Variants in HSP90AB1 observed in about 807,000 individuals in gnomAD.
HSP90AB1 encodes the protein heat shock protein HSP 90-beta.
In HSP90AB1, 17 loss-of-function variants were observed where a neutral mutation model predicts 67.8. The observed-to-expected ratio is 0.25, with a 90% confidence interval of 0.17 to 0.38. HSP90AB1 has a LOEUF of 0.38. HSP90AB1 is among the 10% of genes least tolerant of loss of function. HSP90AB1 has a pLI of 1.00. For synonymous variants in HSP90AB1, 390 were observed against 312.9 expected (o/e 1.25, Z -2.60); for missense variants, 690 against 899.9 (o/e 0.77, Z 2.98).
intron 10 of HSP90AB1, among the ~76,000 whole-genome samples, chr6:44,252,719 A>G (rs1321557090): frequency 2.0e-5 from 3 of 151,308 alleles, no homozygotes; most frequent in Non-Finnish European, 4.4e-5. Flanking sequence ...GATGGTCTCC[A>G]TCTCCTGACC....
chr6:44,249,280 A>T, intron 2 of HSP90AB1, 97 bp from the exon 3 acceptor site: 1 of 969,776 alleles, frequency 1.0e-6, no homozygotes, highest in Non-Finnish European at 1.6e-6. Context: ...TCAAGGCTGC[A>T]GTGAGCTGTC....
chr6:44,248,511 T>C (rs1363593731), intron 1 of HSP90AB1, 119 bp from the exon 2 acceptor site: 4 of 824,678 alleles, frequency 4.9e-6, no homozygotes, highest in Non-Finnish European at 7.5e-6. Flanking sequence ...GAAGGGATAG[T>C]ACTCCGGTTA....
intron 11 of HSP90AB1, 21 bp from the exon 12 acceptor site, chr6:44,253,468 C>T: frequency 6.2e-7 from 1 of 1,610,004 alleles, no homozygotes; most frequent in Non-Finnish European, 8.5e-7. Context: ...TCAAGTCTCA[C>T]ATGGCTTAAT....
Position 44,251,606 on chromosome 6 carries a change from A to G in HSP90AB1, c.1312A>G (p.Lys438Glu). The stretch of plus-strand genomic sequence containing the variant: ...CTATGAGGCATTCTCTAAAAATCTC[A>G]AGGTAAAAAGGCAAATAATGCTTAT... ...KFYEAFSKNLKLGIHEDSTNR... is the reference protein window; with the variant it reads ...KFYEAFSKNLELGIHEDSTNR... Residue 438 changes from lysine to glutamate, a missense_variant and splice_region_variant, in exon 8 of 12, where the codon AAG becomes GAG. Coordinates refer to ENST00000371646, the MANE Select transcript of HSP90AB1 (RefSeq NM_007355.4). 1 of 1,600,608 alleles carries G rather than the reference A, an allele frequency of 6.2e-7. No homozygotes were observed. Among genetic ancestry groups the G allele is most frequent in the Non-Finnish European group, 8.5e-7 (1 of 1,171,736 alleles).
At chr6:44,250,962 G>T in intron 6 of HSP90AB1, 86 bp from the exon 7 acceptor site, 1 of 1,196,930 alleles carries the variant, frequency 8.4e-7, no homozygotes, top group Admixed American at 1.7e-5. Flanking sequence ...GCTTAGGGAG[G>T]ATCATTGTTC....
chr6:44,251,062 A>G lies in HSP90AB1; in HGVS notation c.972A>G (p.Glu324=). ...GTTTCTTTCAGCACTTTTCTGTAGA[A>G]GGTCAGTTGGAATTCAGGGCATTGC... ...DHLAVKHFSV[E]GQLEFRALLF... is the part of the protein sequence containing the mutation. The change falls in exon 7 of 12, where the codon GAA becomes GAG. Residue 324 remains glutamate (E), a synonymous_variant. Transcript: ENST00000371646. The G allele has an allele frequency of 6.2e-7, 1 of 1,614,050 alleles. No homozygotes were observed. Among genetic ancestry groups the G allele is most frequent in the Non-Finnish European group, 8.5e-7 (1 of 1,179,912 alleles).
chr6:44,248,664 T>G lies in HSP90AB1; in HGVS notation c.35T>G (p.Val12Gly), dbSNP rs774126124. The G allele has an allele frequency of 1.2e-6, 2 of 1,613,676 alleles. No homozygotes were observed. The highest frequency in any genetic ancestry group is 1.7e-6 in the Non-Finnish European group (2 of 1,179,770). Residue 12 changes from valine (V) to glycine (G), a missense_variant, in exon 2 of 12, where the codon GTG becomes GGG. Coordinates refer to ENST00000371646, the MANE Select transcript of HSP90AB1 (RefSeq NM_007355.4). ...PEEVHHGEEE[V>G]ETFAFQAEIA... ...GAAGTGCACCATGGAGAGGAGGAGG[T>G]GGAGACTTTTGCCTTTCAGGCAGAA...
chr6:44,247,621 T>C (rs930390960), intron 1 of HSP90AB1, among the ~76,000 whole-genome samples: 2 of 152,236 alleles, frequency 1.3e-5, no homozygotes, highest in Non-Finnish European at 2.9e-5. Flanking sequence ...GTCACCTCTC[T>C]TATCGGACGC....
At position 44,253,403 on chromosome 6, in the gene HSP90AB1, G is replaced by T. The variant is rs1780975656; in HGVS notation, c.2065+25G>T. 3.8e-6 allele frequency: 6 copies of T among 1,599,326 alleles called. 1 individual carries two copies. In the South Asian group the frequency reaches 6.6e-5, roughly 18 times the overall value. On this transcript the variant is annotated intron_variant, in intron 11 of 11. Coordinates refer to ENST00000371646, the MANE Select transcript of HSP90AB1 (RefSeq NM_007355.4). ...GGTAAGTAGCTTTGGTACTTGGTGT[G>T]GCAAGGAGTTTGTGCAACTCGTCTC... is the stretch of plus-strand genomic sequence containing the variant.
intron 9 of HSP90AB1, 44 bp from the exon 10 acceptor site, chr6:44,251,955 G>A (rs1309864358): frequency 2.5e-6 from 4 of 1,613,468 alleles, no homozygotes; most frequent in African/African-American, 1.3e-5. Context: ...GGAACTGGCA[G>A]TATGAGGCAT....
rs149113108 is a variant in HSP90AB1 at position 44,249,159 on chromosome 6, C to T, written c.148-218C>T. ...ATTTCGAGGGCAGCCTGGGCAACCG[C>T]GAGACCTTGTCTCTGCAAAAAATTA... On this transcript the variant is annotated intron_variant, in intron 2 of 11. Transcript: ENST00000371646. Among the ~76,000 whole-genome samples the T allele has an allele frequency of 1.4e-4, 21 of 152,008 alleles. No homozygotes were observed. In the East Asian group the frequency reaches 1.5e-3, roughly 11 times the overall value.
chr6:44,252,490 ATTTTC>A (rs1033150454), intron 10 of HSP90AB1, among the ~76,000 whole-genome samples: 7 of 149,592 alleles, frequency 4.7e-5, no homozygotes, highest in African/African-American at 1.2e-4. Flanking sequence ...AAATACCATC[ATTTTC>A]TTTTTTTTTT....
rs35518699 is a variant in HSP90AB1 at position 44,252,189 on chromosome 6, G to A, written c.1653G>A (p.Lys551=). The A allele has an allele frequency of 2.3e-3, 3,660 of 1,614,146 alleles. 77 individuals are homozygous for A. In the African/African-American group the frequency reaches 0.044, roughly 19 times the overall value. The part of the protein sequence containing the change: ...LELPEDEEEK[K]KMEESKAKFE... ...TGCCTGAGGATGAGGAGGAGAAGAA[G>A]AAGATGGAAGAGAGCAAGGCAAAGT... is the stretch of plus-strand genomic sequence containing the variant. Residue 551 remains lysine (K), a synonymous_variant, in exon 10 of 12, where the codon AAG becomes AAA. Coordinates refer to ENST00000371646, the MANE Select transcript of HSP90AB1 (RefSeq NM_007355.4).
chr6:44,246,953 C>G (rs9472238), upstream of HSP90AB1: 1 of 152,242 alleles, frequency 6.6e-6, no homozygotes, highest in Non-Finnish European at 1.5e-5. Flanking sequence ...TCCCCGCCCC[C>G]TCTTTTTTTC....
In HSP90AB1 at chr6:44,250,036, G is replaced by A; in HGVS notation, c.530G>A (p.Arg177Lys). 2 of 1,614,148 alleles carry A rather than the reference G, an allele frequency of 1.2e-6. No homozygotes were observed. The highest frequency in any genetic ancestry group is 1.7e-6 in the Non-Finnish European group (2 of 1,179,998). Residue 177 changes from arginine to lysine, a missense_variant, in exon 5 of 12, where the codon AGG (arginine) becomes AAG (lysine). Around this residue, in one of 7 missense-constraint regions of HSP90AB1, gnomAD observed 146 missense variants for 143.7 expected, o/e 1.02. Coordinates refer to ENST00000371646, the MANE Select transcript of HSP90AB1 (RefSeq NM_007355.4). ...ACTCTTCTAGGTGAGCCCATTGGCA[G>A]GGGTACCAAAGTGATCCTCCATCTT... ...VRADHGEPIG[R>K]GTKVILHLKE...
intron 10 of HSP90AB1, among the ~76,000 whole-genome samples, chr6:44,252,715 C>T (rs1233357308): frequency 1.3e-5 from 2 of 152,000 alleles, no homozygotes; most frequent in African/African-American, 4.8e-5. Flanking sequence ...CCAGGATGGT[C>T]TCCATCTCCT....
At chr6:44,248,976 C>T (rs1780318895) in intron 2 of HSP90AB1, among the ~76,000 whole-genome samples, 200 bp downstream of exon 2, 1 of 152,176 alleles carries the variant, frequency 6.6e-6, no homozygotes, top group African/African-American at 2.4e-5. Context: ...ATGGAACTAA[C>T]TGGTTCTAAA....
Position 44,248,300 on chromosome 6 carries a change from C to G in HSP90AB1, c.1-330C>G, listed in dbSNP as rs577450066. ...AAGGATTACTTGGGATCTCTAGATA[C>G]CTGGGTTGGACCAACATTATGATTT... On this transcript the variant is annotated intron_variant, in intron 1 of 11. Coordinates refer to ENST00000371646, the MANE Select transcript of HSP90AB1 (RefSeq NM_007355.4). Among the ~76,000 whole-genome samples, 11 of 152,310 alleles carry G rather than the reference C, an allele frequency of 7.2e-5. No homozygotes were observed. The East Asian group carries it at 7.7e-4, about 11-fold the overall frequency.
Position 44,249,712 on chromosome 6 carries a change from T to C in HSP90AB1, c.392T>C (p.Val131Ala). ...ATCTCCATGATTGGGCAGTTTGGTG[T>C]TGGCTTTTATTCTGCCTACTTGGTG... ...ADISMIGQFG[V>A]GFYSAYLVAE... The change falls in exon 4 of 12, where the codon GTT becomes GCT. Residue 131 changes from valine to alanine, a missense_variant. Around this residue, in one of 7 missense-constraint regions of HSP90AB1, gnomAD observed 88 missense variants for 167.7 expected, o/e 0.52. Transcript: ENST00000371646. 6.2e-7 allele frequency: 1 copy of C among 1,614,058 alleles called. No homozygotes were observed. The highest frequency in any genetic ancestry group is 8.5e-7 in the Non-Finnish European group (1 of 1,179,972).
Sources: allele counts gnomAD v4.1 joint callset (sites outside exome capture counted in the v4.1 genomes callset), GRCh38; gene constraint gnomAD v4.1.1; regional missense constraint gnomAD v4.1.1; transcripts MANE v1.5; gene names NCBI Gene and HGNC (gene_info 2026-07-23, HGNC 2026-07-21).